NTF3: variants seen among roughly 807,000 people sequenced by gnomAD.
The protein encoded by NTF3 is neurotrophin 3, also known as neurotrophin-3.
Under a neutral mutation model 26.3 loss-of-function variants are expected in NTF3, and 8 were observed. That is an observed-to-expected ratio of 0.30 (90% CI 0.18 to 0.55). The LOEUF is 0.55. Ranked by LOEUF, NTF3 falls within the 20% of genes least tolerant of loss-of-function variation. The pLI, the probability that NTF3 is intolerant of heterozygous loss-of-function variation, is 0.93. For synonymous variants in NTF3, 154 were observed against 145.5 expected (o/e 1.06, Z -0.42); for missense variants, 276 against 352.9 (o/e 0.78, Z 1.75).
intron 1 of NTF3, among the ~76,000 whole-genome samples, chr12:5,451,110 T>C (rs1263356322): frequency 1.3e-5 from 2 of 152,210 alleles, no homozygotes; most frequent in African/African-American, 4.8e-5. Context: ...TACACCTTCT[T>C]GCTGTAATTT....
At chr12:5,463,612 C>A (rs987884734) in intron 1 of NTF3, among the ~76,000 whole-genome samples, 5 of 152,048 alleles carry the variant, frequency 3.3e-5, no homozygotes, top group Non-Finnish European at 5.9e-5. Context: ...CTGAAGGGTG[C>A]AAATTATTAA....
chr12:5,448,763 T>A (rs1024508023), intron 1 of NTF3, among the ~76,000 whole-genome samples: 3 of 152,180 alleles, frequency 2.0e-5, no homozygotes, highest in Admixed American at 2.0e-4. Flanking sequence ...TGACTTACTT[T>A]ACAGTTTCTG....
Position 5,432,341 on chromosome 12 carries a change from C to G in NTF3, c.17C>G (p.Thr6Arg), listed in dbSNP as rs919151837. MVTFATILQVNKVMSI... is the reference protein window; with the variant it reads MVTFARILQVNKVMSI... ...ACGGATGCCATGGTTACTTTTGCCA[C>G]GGTAAGGGGAGGCGGCGGGCACCTT... is the stretch of plus-strand genomic sequence containing the variant. Residue 6 changes from threonine (T) to arginine (R), a missense_variant and splice_region_variant, in exon 1 of 2, where the codon ACG (threonine) becomes AGG (arginine). Transcript: ENST00000423158. 6.2e-7 allele frequency: 1 copy of G among 1,606,406 alleles called. No homozygotes were observed. Among genetic ancestry groups the G allele is most frequent in the Non-Finnish European group, 8.5e-7 (1 of 1,176,136 alleles).
chr12:5,455,176 C>T (rs1343154247), intron 1 of NTF3, among the ~76,000 whole-genome samples: 1 of 152,202 alleles, frequency 6.6e-6, no homozygotes, highest in East Asian at 1.9e-4. Flanking sequence ...ATGCGGCATG[C>T]ATCTGCTGCC....
chr12:5,489,937 T>C (rs1335907975), intron 1 of NTF3, among the ~76,000 whole-genome samples: 1 of 152,170 alleles, frequency 6.6e-6, no homozygotes, highest in Admixed American at 6.5e-5. Flanking sequence ...GGTGAAACCT[T>C]GTAGGAATGT....
At chr12:5,486,073 C>T (rs937396618) in intron 1 of NTF3, among the ~76,000 whole-genome samples, 13 of 152,160 alleles carry the variant, frequency 8.5e-5, no homozygotes, top group African/African-American at 1.4e-4. Context: ...AGTCAATATA[C>T]CTCATCCTTG....
chr12:5,480,734 T>G (rs1194857591), intron 1 of NTF3, among the ~76,000 whole-genome samples: 6 of 135,526 alleles, frequency 4.4e-5, no homozygotes, highest in Non-Finnish European at 9.2e-5. Flanking sequence ...AAACGTTTCA[T>G]GCCGAGAGTG....
chr12:5,449,354 G>A (rs993368021), intron 1 of NTF3, among the ~76,000 whole-genome samples: 4 of 152,182 alleles, frequency 2.6e-5, no homozygotes, highest in African/African-American at 9.7e-5. Context: ...CACTCTCACG[G>A]CTCTTCTCCT....
chr12:5,480,578 TGACCCGGGAGGGA>T (rs1232929530), intron 1 of NTF3, among the ~76,000 whole-genome samples: 1 of 152,046 alleles, frequency 6.6e-6, no homozygotes, highest in Admixed American at 6.6e-5. Flanking sequence ...GCATGGGAGC[TGACCCGGGAGGGA>T]GACCAAAGGA....
In NTF3 at chr12:5,454,923, C is replaced by T. The variant is rs1318471836; in HGVS notation, c.18+22581C>T. ...GGCAGCCAGGAGTTCTTGCCCTGGC[C>T]CTGCCATGAGGCTGCATGTCTGTGG... On this transcript the variant is annotated intron_variant, in intron 1 of 1. Coordinates refer to ENST00000423158, the MANE Select transcript of NTF3 (RefSeq NM_001102654.2). Among the ~76,000 whole-genome samples, 6 of 152,248 alleles carry T rather than the reference C, an allele frequency of 3.9e-5. No individual in the cohort carries two copies. The South Asian group carries it at 8.3e-4, about 21-fold the overall frequency.
intron 1 of NTF3, among the ~76,000 whole-genome samples, chr12:5,459,010 G>A (rs1940490738): frequency 6.6e-6 from 1 of 152,116 alleles, no homozygotes; most frequent in African/African-American, 2.4e-5. Context: ...AATCCCACTC[G>A]CCCTAGAACT....
rs749388536 is a variant in NTF3, at chr12:5,494,946, G to C, written c.771G>C (p.Thr257=). The change falls in exon 2 of 2, where the codon ACG becomes ACC. Residue 257 remains threonine (T), a synonymous_variant. Coordinates refer to ENST00000423158, the MANE Select transcript of NTF3 (RefSeq NM_001102654.2). The surrounding 1 kb of genome is among the most constrained non-coding windows in gnomAD (Gnocchi z 8.3). The stretch of plus-strand genomic sequence containing the variant: ...GCTGGCGGTGGATACGGATAGACAC[G>C]TCCTGTGTGTGTGCCTTGTCGAGAA... ...LVGWRWIRID[T]SCVCALSRKI... The C allele has an allele frequency of 1.2e-6, 2 of 1,614,004 alleles. No homozygotes were observed. The highest frequency in any genetic ancestry group is 1.7e-6 in the Non-Finnish European group (2 of 1,180,038).
chr12:5,460,103 C>T (rs1455947092), intron 1 of NTF3, among the ~76,000 whole-genome samples: 2 of 152,166 alleles, frequency 1.3e-5, no homozygotes, highest in African/African-American at 2.4e-5. Flanking sequence ...TATAACTCCT[C>T]CCCCTCACTC....
intron 1 of NTF3, among the ~76,000 whole-genome samples, chr12:5,452,448 T>G (rs965941515): frequency 5.9e-5 from 9 of 152,198 alleles, no homozygotes; most frequent in Non-Finnish European, 1.3e-4. Flanking sequence ...TGCATAATAT[T>G]CCATCACATA....
intron 1 of NTF3, among the ~76,000 whole-genome samples, chr12:5,474,669 G>A (rs1430076112): frequency 1.3e-5 from 2 of 152,202 alleles, no homozygotes; most frequent in East Asian, 1.9e-4. Context: ...CCATTCCAGT[G>A]CGGGGAAGAA....
chr12:5,472,500 C>T (rs1398317670), intron 1 of NTF3, among the ~76,000 whole-genome samples: 1 of 152,294 alleles, frequency 6.6e-6, no homozygotes, highest in East Asian at 1.9e-4. Flanking sequence ...AATTATATGA[C>T]ATTCGGGACC....
At chr12:5,435,896 G>T (rs1194278431) in intron 1 of NTF3, among the ~76,000 whole-genome samples, 1 of 152,222 alleles carries the variant, frequency 6.6e-6, no homozygotes, top group Non-Finnish European at 1.5e-5. Context: ...TAGCGAGGTG[G>T]ATAGGAGGGG....
intron 1 of NTF3, among the ~76,000 whole-genome samples, chr12:5,454,169 C>T (rs1480454680): frequency 1.3e-5 from 2 of 152,186 alleles, no homozygotes; most frequent in South Asian, 4.1e-4. Context: ...CATCTGAAGG[C>T]CCAGGGAAGC....
At position 5,494,249 on chromosome 12, in the gene NTF3, A is replaced by C; in HGVS notation, c.74A>C (p.Tyr25Ser). 6.2e-7 allele frequency: 1 copy of C among 1,614,146 alleles called. No homozygotes were observed. Among genetic ancestry groups the C allele is most frequent in the Admixed American group, 1.7e-5 (1 of 60,026 alleles). Residue 25 changes from tyrosine (Y) to serine (S), a missense_variant, in exon 2 of 2, where the codon TAT becomes TCT. This residue lies in a region of NTF3 where 221 missense variants were observed against 258.2 expected (regional missense o/e 0.86). Transcript: ENST00000423158. The surrounding 1 kb of genome is among the most constrained non-coding windows in gnomAD (Gnocchi z 8.3). ...SILFYVIFLA[Y>S]LRGIQGNNMD... ...TTGTTTTATGTGATATTTCTCGCTT[A>C]TCTCCGTGGCATCCAAGGTAACAAC...
Sources: gnomAD v4.1 joint callset for allele counts (sites outside exome capture counted in the v4.1 genomes callset) on GRCh38, gnomAD v4.1.1 for gene constraint, gnomAD v4.1.1 regional missense constraint, Gnocchi (gnomAD v3.1) non-coding constraint, MANE v1.5 for transcripts, NCBI Gene and HGNC (gene_info 2026-07-23, HGNC 2026-07-21) for gene names.